Variants in NOX4 observed in about 807,000 individuals in gnomAD.
NOX4 encodes the protein NADPH oxidase 4.
NOX4 carries 69 observed loss-of-function variants against 87.6 expected under a neutral mutation model. That is an observed-to-expected ratio of 0.79 (90% confidence interval 0.65 to 0.96). NOX4 has a LOEUF of 0.96. Ranked by LOEUF, NOX4 falls within the 40% of genes least tolerant of loss-of-function variation. NOX4 has a pLI of 0.00. For synonymous variants in NOX4, 275 were observed against 238.2 expected (o/e 1.15, Z -1.42); for missense variants, 680 against 681.5 (o/e 1.00, Z 0.02).
rs1349135440 is a variant in NOX4, at chr11:89,355,732, T to C, written c.1136-689A>G. Among the ~76,000 whole-genome samples the C allele has an allele frequency of 1.3e-5, 2 of 152,156 alleles. 1 individual carries two copies. On this transcript the variant is annotated intron_variant, in intron 12 of 17. Transcript: ENST00000263317. ...GGAGTCCAAATTGGTACAATAGCTA[T>C]TGAAGACAATTTGGCATTATCATTT...
At chr11:89,569,183 G>GA in the NOX4 span, among the ~76,000 whole-genome samples, 3,065 of 112,852 alleles carry the variant, frequency 0.027, 65 homozygotes, top group African/African-American at 0.072. Flanking sequence ...TTCCAAAATT[G>GA]AAAAAAAAAA....
chr11:89,518,624 C>T, the NOX4 span, among the ~76,000 whole-genome samples: 527 of 152,102 alleles, frequency 3.5e-3, 1 homozygote, highest in African/African-American at 0.012. Context: ...ATCCACAGCA[C>T]GTCCTCCTCC....
chr11:89,392,581 A>C (rs1398848567), intron 11 of NOX4, among the ~76,000 whole-genome samples: 1 of 152,150 alleles, frequency 6.6e-6, no homozygotes, highest in Non-Finnish European at 1.5e-5. Flanking sequence ...ATATGACAAA[A>C]ATATCAAGTA....
intron 11 of NOX4, among the ~76,000 whole-genome samples, chr11:89,384,022 G>A (rs1940500692): frequency 6.6e-6 from 1 of 152,074 alleles, no homozygotes; most frequent in Non-Finnish European, 1.5e-5. Context: ...TCACTCGCCT[G>A]TTACAGCATG....
intron 12 of NOX4, among the ~76,000 whole-genome samples, chr11:89,357,302 C>G (rs981596132): frequency 3.1e-4 from 47 of 151,922 alleles, no homozygotes; most frequent in African/African-American, 1.1e-3. Context: ...TGCTTACACT[C>G]TGAAGTCTAG....
Position 89,451,845 on chromosome 11 carries a change from G to A in NOX4, c.204C>T (p.Cys68=), listed in dbSNP as rs373927348. 2.5e-6 allele frequency: 4 copies of A among 1,613,510 alleles called. No individual in the cohort carries two copies. The highest frequency in any genetic ancestry group is 1.7e-4 in the Middle Eastern group (1 of 6,054). Residue 68 remains cysteine, a synonymous_variant, in exon 3 of 18, where the codon TGC becomes TGT. Transcript: ENST00000263317. ...RASASVLNLN[C]SLILLPMCRT... ...GGCACATGGGTAAAAGGATAAGGCT[G>A]CAGTTGAGGTTAAGAACAGATGCTG...
chr11:89,462,576 T>C (rs960685165), intron 2 of NOX4, among the ~76,000 whole-genome samples: 2 of 152,050 alleles, frequency 1.3e-5, no homozygotes, highest in African/African-American at 4.8e-5. Context: ...TATACATATA[T>C]AGATGGCATG....
At chr11:89,573,345 G>C in the NOX4 span, among the ~76,000 whole-genome samples, 1 of 152,100 alleles carries the variant, frequency 6.6e-6, no homozygotes, top group Non-Finnish European at 1.5e-5. Context: ...GACCATCCTA[G>C]CTAACACAGT....
chr11:89,337,350 G>T, intron 16 of NOX4, 97 bp downstream of exon 16: 2 of 1,565,368 alleles, frequency 1.3e-6, no homozygotes, highest in East Asian at 4.6e-5. Context: ...GGAAACTTCT[G>T]TTCGAACCAC....
chr11:89,511,092 C>T, the NOX4 span, among the ~76,000 whole-genome samples: 1,231 of 151,894 alleles, frequency 8.1e-3, 17 homozygotes, highest in African/African-American at 0.026. Flanking sequence ...GGAGTTCTTA[C>T]GAATTTTAAA....
chr11:89,481,651 T>C (rs778528981), intron 2 of NOX4, among the ~76,000 whole-genome samples: 41 of 152,080 alleles, frequency 2.7e-4, no homozygotes, highest in Non-Finnish European at 5.0e-4. Flanking sequence ...TAAAATCAGT[T>C]TTATGATAAA....
chr11:89,466,598 CACATAT>C, intron 2 of NOX4, among the ~76,000 whole-genome samples: 1 of 152,144 alleles, frequency 6.6e-6, no homozygotes, highest in East Asian at 1.9e-4. Context: ...TTGTAATCGG[CACATAT>C]TTTGGGACAC....
At chr11:89,434,876 T>C (rs559435206) in intron 6 of NOX4, among the ~76,000 whole-genome samples, 87 of 152,146 alleles carry the variant, frequency 5.7e-4, no homozygotes, top group South Asian at 4.3e-3. Flanking sequence ...CCTGAAAAAG[T>C]ACAAATTCTA....
the NOX4 span, among the ~76,000 whole-genome samples, chr11:89,580,005 A>C: frequency 2.0e-5 from 3 of 152,162 alleles, no homozygotes; most frequent in African/African-American, 7.2e-5. Flanking sequence ...TATTCAAAAA[A>C]CGCTTAGATT....
chr11:89,481,484 G>C (rs1170300479), intron 2 of NOX4, among the ~76,000 whole-genome samples: 2 of 151,860 alleles, frequency 1.3e-5, no homozygotes, highest in African/African-American at 4.8e-5. Flanking sequence ...TTATGAGTAG[G>C]GTTTACACCT....
At chr11:89,506,116 G>T in the NOX4 span, among the ~76,000 whole-genome samples, 1,158 of 151,868 alleles carry the variant, frequency 7.6e-3, 16 homozygotes, top group African/African-American at 0.026. Context: ...CACACATATG[G>T]AAACTGATTT....
At chr11:89,404,954 G>A (rs11018603) in intron 8 of NOX4, among the ~76,000 whole-genome samples, 14,094 of 152,046 alleles carry the variant, frequency 0.093, 785 homozygotes, top group South Asian at 0.19. Flanking sequence ...GATTAACTAA[G>A]TATAGTCAAA....
chr11:89,516,323 A>G, the NOX4 span, among the ~76,000 whole-genome samples: 2 of 152,122 alleles, frequency 1.3e-5, no homozygotes, highest in African/African-American at 4.8e-5. Context: ...AGTAAAATTG[A>G]ATATAGATCA....
At chr11:89,583,262 C>T in the NOX4 span, among the ~76,000 whole-genome samples, 17 of 151,634 alleles carry the variant, frequency 1.1e-4, no homozygotes, top group Non-Finnish European at 1.9e-4. Context: ...AAAAAAAAAG[C>T]GTTGTCCTCA....
Sources: gnomAD v4.1 joint callset for allele counts (sites outside exome capture counted in the v4.1 genomes callset) on GRCh38, gnomAD v4.1.1 for gene constraint, MANE v1.5 for transcripts, NCBI Gene and HGNC (gene_info 2026-07-23, HGNC 2026-07-21) for gene names.